TTC5: variants seen among roughly 807,000 people sequenced by gnomAD.
TTC5 encodes tetratricopeptide repeat protein 5.
In TTC5, 46 loss-of-function variants were observed where a neutral mutation model predicts 57.4. That is an observed-to-expected ratio of 0.80 (90% CI 0.63 to 1.03). TTC5 has a LOEUF of 1.03. TTC5 is among the 50% of genes least tolerant of loss of function. The probability of loss-of-function intolerance (pLI) is 0.00; values close to 1 mark genes in which losing one functional copy is unlikely to be tolerated. For missense variants in TTC5, 504 were observed against 528.1 expected, an observed-to-expected ratio of 0.95 and a Z score of 0.45; for synonymous variants, 190 against 203.5, an observed-to-expected ratio of 0.93 and a Z score of 0.57.
chr14:20,305,921 T>G lies in TTC5; in HGVS notation c.17A>C (p.Glu6Ala), dbSNP rs774222964. 2.8e-5 allele frequency: 46 copies of G among 1,614,038 alleles called. No homozygotes were observed. The highest frequency in any genetic ancestry group is 3.7e-5 in the Non-Finnish European group (44 of 1,180,040). Residue 6 changes from glutamate (E) to alanine (A), a missense_variant, in exon 1 of 10, where the codon GAG (glutamate) becomes GCG (alanine). Physicochemically the swap from Glu to Ala is moderately radical, Grantham distance 107 (BLOSUM62 -1). Coordinates refer to ENST00000258821, the MANE Select transcript of TTC5 (RefSeq NM_138376.3). MMADE[E>A]EEVKPILQKL... ...CTGCAAGATCGGCTTGACTTCTTCC[T>G]CTTCATCAGCCATCATCTCCCGGCC... is the stretch of plus-strand genomic sequence containing the variant.
rs1328335029 is a variant in TTC5 at position 20,295,310 on chromosome 14, A to G, written c.1058+2T>C. ...AATGGGGGAAATCCAAGAGAAACTCACAAGGGGACTTTCTCCTCTGTGGTG... is the reference window on the plus strand; with the variant it reads ...AATGGGGGAAATCCAAGAGAAACTCGCAAGGGGACTTTCTCCTCTGTGGTG... On this transcript the variant is annotated splice_donor_variant, in intron 8 of 9. Coordinates refer to ENST00000258821, the MANE Select transcript of TTC5 (RefSeq NM_138376.3). LOFTEE classifies it high-confidence loss of function. 5.0e-6 allele frequency: 8 copies of G among 1,613,528 alleles called. No individual in the cohort carries two copies. The highest frequency in any genetic ancestry group is 6.8e-6 in the Non-Finnish European group (8 of 1,179,404).
rs755582747 is a variant in TTC5, at chr14:20,295,700, A to G, written c.843+8T>C. On this transcript the variant is annotated splice_region_variant and intron_variant, in intron 7 of 9. Coordinates refer to ENST00000258821, the MANE Select transcript of TTC5 (RefSeq NM_138376.3). ...AAAAGTGGAATTCAGCCCTTCAGAC[A>G]TTTTTACCTTACTCTCAAGGAGGCT... 2.6e-5 allele frequency: 41 copies of G among 1,585,284 alleles called. No homozygotes were observed. Among genetic ancestry groups the G allele is most frequent in the Non-Finnish European group, 3.3e-5 (39 of 1,172,838 alleles).
chr14:20,302,885 AT>A (rs113574212), intron 1 of TTC5, among the ~76,000 whole-genome samples: 3,865 of 145,818 alleles, frequency 0.027, 155 homozygotes, highest in African/African-American at 0.088. Context: ...AAATGAAACA[AT>A]TTTTTTTTTT....
At chr14:20,304,479 T>A (rs1259880102) in intron 1 of TTC5, among the ~76,000 whole-genome samples, 1 of 152,222 alleles carries the variant, frequency 6.6e-6, no homozygotes, top group Non-Finnish European at 1.5e-5. Context: ...TACACTCTTT[T>A]TACACTAAAA....
chr14:20,291,994 G>A lies in TTC5; in HGVS notation c.1192C>T (p.His398Tyr), dbSNP rs748988042. The part of the protein sequence containing the change: ...EPNLRLHRIQ[H>Y]KGKDYSFSSV... Reference sequence around the variant, plus strand: ...TAGCCATTGCTCACCTTTCCTTTGTGCTGAATTCGGTGAAGCCGCAGGTTG... The same window carrying A: ...TAGCCATTGCTCACCTTTCCTTTGTACTGAATTCGGTGAAGCCGCAGGTTG... The change falls in exon 9 of 10, where the codon CAC becomes TAC. Residue 398 changes from histidine (H) to tyrosine (Y), a missense_variant. His to Tyr is a moderately conservative substitution (Grantham distance 83). Coordinates refer to ENST00000258821, the MANE Select transcript of TTC5 (RefSeq NM_138376.3). 6.3e-6 allele frequency: 10 copies of A among 1,588,562 alleles called. No individual in the cohort carries two copies. Among genetic ancestry groups the A allele is most frequent in the Middle Eastern group, 1.7e-4 (1 of 5,978 alleles).
At chr14:20,301,189 A>G (rs1882183253) in intron 2 of TTC5, among the ~76,000 whole-genome samples, 2 of 152,222 alleles carry the variant, frequency 1.3e-5, no homozygotes, top group Non-Finnish European at 2.9e-5. Context: ...ACAAGTGAAG[A>G]GAAGATGAGT....
intron 5 of TTC5, among the ~76,000 whole-genome samples, chr14:20,297,525 C>G (rs577573257): frequency 6.6e-6 from 1 of 152,186 alleles, no homozygotes; most frequent in African/African-American, 2.4e-5. Flanking sequence ...AATCCCAACA[C>G]TTTGGGAGAC....
chr14:20,298,198 G>C (rs1377298286), intron 5 of TTC5, among the ~76,000 whole-genome samples: 1 of 152,116 alleles, frequency 6.6e-6, no homozygotes. Flanking sequence ...TGAGAAAAAA[G>C]GCACTCAAAG....
In TTC5 at chr14:20,300,578, G is replaced by A. The variant is rs369256643; in HGVS notation, c.396+29C>T. 20 of 1,578,170 alleles carry A rather than the reference G, an allele frequency of 1.3e-5. No homozygotes were observed. In the African/African-American group the frequency reaches 2.4e-4, roughly 19 times the overall value. ...AAAGAAATTCATCCTTCCCATCTCTGCTTTCCAAAGGGATAGGGGGCAGCT... is the reference window on the plus strand; with the variant it reads ...AAAGAAATTCATCCTTCCCATCTCTACTTTCCAAAGGGATAGGGGGCAGCT... On this transcript the variant is annotated intron_variant, in intron 3 of 9. Coordinates refer to ENST00000258821, the MANE Select transcript of TTC5 (RefSeq NM_138376.3).
rs1881851300 is a variant in TTC5 at position 20,286,996 on chromosome 14, ACAG to A, written c.*2628_*2630del. 1 of 152,224 alleles carries A rather than the reference ACAG, an allele frequency of 6.6e-6. No individual in the cohort carries two copies. The highest frequency in any genetic ancestry group is 1.5e-5 in the Non-Finnish European group (1 of 68,044). The allele number at this position is 152,224 out of a possible 1,614,324, so 9.4% of individuals were successfully genotyped here. A position where few individuals can be genotyped will look rare whatever the true frequency, so the allele number is the denominator to read the frequency against. On this transcript the variant is annotated 3_prime_UTR_variant, in exon 10 of 10. Coordinates refer to ENST00000258821, the MANE Select transcript of TTC5 (RefSeq NM_138376.3). The stretch of plus-strand genomic sequence containing the variant: ...CAATACCTAAAAGATAATACCAAGC[ACAG>A]AAGAGGATGGGGAGCATTGGGGTGA...
At position 20,295,771 on chromosome 14, in the gene TTC5, G is replaced by A. The variant is rs1256531404; in HGVS notation, c.780C>T (p.Pro260=). The change falls in exon 7 of 10, where the codon CCC becomes CCT. Residue 260 remains proline (P), a synonymous_variant. Transcript: ENST00000258821. ...AAALDPAWPE[P]RQREQQLLEF... is the part of the protein sequence containing the mutation. ...CCAGAAGTTGTTGCTCTCGTTGCCG[G>A]GGCTCTGGCCAGGCAGGGTCCAGGG... The A allele has an allele frequency of 1.2e-6, 2 of 1,613,954 alleles. No homozygotes were observed. The highest frequency in any genetic ancestry group is 8.5e-7 in the Non-Finnish European group (1 of 1,180,006).
rs753796475 is a variant in TTC5 at position 20,295,723 on chromosome 14, G to A, written c.828C>T (p.Ser276=). 1 of 1,611,300 alleles carries A rather than the reference G, an allele frequency of 6.2e-7. No individual in the cohort carries two copies. Among genetic ancestry groups the A allele is most frequent in the Non-Finnish European group, 8.5e-7 (1 of 1,179,208 alleles). The change falls in exon 7 of 10, where the codon AGC becomes AGT. Residue 276 remains serine (S), a synonymous_variant. Transcript: ENST00000258821. ...ACATTTTTACCTTACTCTCAAGGAG[G>A]CTGGTTAATCTATCCAGGAATTCCA... ...QLLEFLDRLT[S]LLESKGKVKT...
At position 20,288,199 on chromosome 14, in the gene TTC5, AG is replaced by A. The variant is rs1881878576; in HGVS notation, c.*1427del. The A allele has an allele frequency of 6.6e-6, 1 of 151,176 alleles. No individual in the cohort carries two copies. The highest frequency in any genetic ancestry group is 1.5e-5 in the Non-Finnish European group (1 of 67,394). The allele number at this position is 151,176 out of a possible 1,614,324, so 9.4% of individuals were successfully genotyped here. The stretch of plus-strand genomic sequence containing the variant: ...GATAGAGACAGATAGATAGATAGAT[AG>A]ATAGACAGATAGATAGATAAAACTT... On this transcript the variant is annotated 3_prime_UTR_variant, in exon 10 of 10. Transcript: ENST00000258821.
At position 20,292,200 on chromosome 14, in the gene TTC5, T is replaced by C. The variant is rs1343529917; in HGVS notation, c.1059-73A>G. The stretch of plus-strand genomic sequence containing the variant: ...GGGTAGGAAAGAAGAGCAGAAACAG[T>C]GGTTTAAAAATACTAGCAAAATACT... On this transcript the variant is annotated intron_variant, in intron 8 of 9. Coordinates refer to ENST00000258821, the MANE Select transcript of TTC5 (RefSeq NM_138376.3). 18 of 1,182,158 alleles carry C rather than the reference T, an allele frequency of 1.5e-5. No homozygotes were observed. In the African/African-American group the frequency reaches 2.7e-4, roughly 17 times the overall value. 73.2% of individuals were successfully genotyped at this position (1,182,158 alleles called of 1,614,324 possible).
At chr14:20,305,335 A>G (rs973987407) in intron 1 of TTC5, 3 of 152,238 alleles carry the variant, frequency 2.0e-5, no homozygotes, top group Non-Finnish European at 4.4e-5. Context: ...CTCCCTACCA[A>G]GTCCAAAAGA....
chr14:20,300,978 A>G (rs1229674137), intron 2 of TTC5, among the ~76,000 whole-genome samples, 160 bp from the exon 3 acceptor site: 2 of 152,264 alleles, frequency 1.3e-5, no homozygotes, highest in Admixed American at 6.5e-5. Flanking sequence ...GGCAGAGTGT[A>G]TGTTAGCTAA....
chr14:20,301,686 G>A (rs72671254), intron 2 of TTC5, 147 bp downstream of exon 2: 10,080 of 984,770 alleles, frequency 0.01, 78 homozygotes, highest in Non-Finnish European at 0.012. Flanking sequence ...GGGAATGAAA[G>A]GTTGCACAGG....
At chr14:20,303,585 G>C (rs1031176151) in intron 1 of TTC5, among the ~76,000 whole-genome samples, 8 of 152,082 alleles carry the variant, frequency 5.3e-5, no homozygotes, top group Non-Finnish European at 8.8e-5. Context: ...TTCATTACTT[G>C]CCTGGACTGC....
chr14:20,305,710 G>T, intron 1 of TTC5, 177 bp downstream of exon 1: 1 of 642,020 alleles, frequency 1.6e-6, no homozygotes, highest in Non-Finnish European at 2.8e-6. Flanking sequence ...GCAGCAGGAG[G>T]TTCCAACGAG....
Sources: allele counts gnomAD v4.1 joint callset (sites outside exome capture counted in the v4.1 genomes callset), GRCh38; gene constraint gnomAD v4.1.1; transcripts MANE v1.5; gene names NCBI Gene and HGNC (gene_info 2026-07-23, HGNC 2026-07-21).